UBR1: variants seen among roughly 807,000 people sequenced by gnomAD.
UBR1 encodes the protein ubiquitin protein ligase E3 component n-recognin 1.
A neutral mutation model predicts 242.1 loss-of-function variants in UBR1; 102 were observed. The observed-to-expected ratio is 0.42, with a 90% confidence interval of 0.36 to 0.50. The LOEUF (loss-of-function observed/expected upper bound fraction) is 0.50, where lower values mean the gene tolerates loss of function less well. UBR1 is among the 20% of genes least tolerant of loss of function. The pLI, the probability that UBR1 is intolerant of heterozygous loss-of-function variation, is 0.01. For missense variants in UBR1, 1,772 were observed against 2,101.8 expected (o/e 0.84, Z 3.07); for synonymous variants, 675 against 684.8 (o/e 0.99, Z 0.22).
chr15:43,043,355 G>A lies in UBR1; in HGVS notation c.1709C>T (p.Ala570Val). 6.2e-7 allele frequency: 1 copy of A among 1,613,970 alleles called. No homozygotes were observed. Among genetic ancestry groups the A allele is most frequent in the Non-Finnish European group, 8.5e-7 (1 of 1,179,976 alleles). Reference protein sequence around the residue: ...LLVAYKECHKAVMRCSTSFIS... With the variant: ...LLVAYKECHKVVMRCSTSFIS... ...GAAACTGGTACTGCACCTCATCACA[G>A]CTTTGTGACATTCTTTATAAGCCAC... Residue 570 changes from alanine (A) to valine (V), a missense_variant, in exon 15 of 47, where the codon GCT becomes GTT. This residue lies in a region of UBR1 where 734 missense variants were observed against 893.3 expected (regional missense o/e 0.82). Transcript: ENST00000290650.
chr15:43,058,668 C>T (rs775445329), intron 9 of UBR1, among the ~76,000 whole-genome samples: 4 of 152,192 alleles, frequency 2.6e-5, no homozygotes, highest in Admixed American at 6.5e-5. Context: ...AATTTACTCT[C>T]TCCCAACCTT....
intron 1 of UBR1, among the ~76,000 whole-genome samples, chr15:43,086,447 A>G (rs537697335): frequency 6.6e-6 from 1 of 151,926 alleles, no homozygotes; most frequent in South Asian, 2.1e-4. Context: ...GAAAAAAAAA[A>G]AAAAAAAAAG....
chr15:43,053,869 C>T (rs1009347466), intron 12 of UBR1, among the ~76,000 whole-genome samples: 1 of 150,980 alleles, frequency 6.6e-6, no homozygotes, highest in Non-Finnish European at 1.5e-5. Flanking sequence ...ACTCCGTTGC[C>T]AGGCTGGAGT....
At chr15:43,014,787 T>TG (rs746375062) in intron 29 of UBR1, among the ~76,000 whole-genome samples, 181 of 131,924 alleles carry the variant, frequency 1.4e-3, no homozygotes, top group African/African-American at 5.4e-3. Flanking sequence ...GGGAGGGAGG[T>TG]GGGGGGTCAG....
intron 46 of UBR1, among the ~76,000 whole-genome samples, chr15:42,948,999 A>G (rs1425358353): frequency 6.6e-6 from 1 of 152,160 alleles, no homozygotes; most frequent in African/African-American, 2.4e-5. Flanking sequence ...TTGCGGGACT[A>G]TTCACAATAG....
At chr15:43,027,026 A>G (rs1268430896) in intron 22 of UBR1, among the ~76,000 whole-genome samples, 1 of 152,148 alleles carries the variant, frequency 6.6e-6, no homozygotes, top group East Asian at 1.9e-4. Flanking sequence ...TAGACACTTC[A>G]TTGTCTAAGG....
At position 43,067,886 on chromosome 15, in the gene UBR1, G is replaced by A. The variant is rs1462233915; in HGVS notation, c.798+12C>T. On this transcript the variant is annotated intron_variant, in intron 6 of 46. Coordinates refer to ENST00000290650, the MANE Select transcript of UBR1 (RefSeq NM_174916.3). ...AGAAAACAGAAACGCAATTCAAAAGGAGACCACAAACCTCTTTGTCAATGG... is the reference window on the plus strand; with the variant it reads ...AGAAAACAGAAACGCAATTCAAAAGAAGACCACAAACCTCTTTGTCAATGG... The A allele has an allele frequency of 6.2e-6, 10 of 1,613,854 alleles. No individual in the cohort carries two copies. The highest frequency in any genetic ancestry group is 8.5e-6 in the Non-Finnish European group (10 of 1,179,940).
chr15:43,091,126 C>T (rs149663503), intron 1 of UBR1, among the ~76,000 whole-genome samples: 158 of 152,086 alleles, frequency 1.0e-3, no homozygotes, highest in African/African-American at 3.6e-3. Context: ...TTAGTAGAGA[C>T]GGGGTTTTTC....
intron 5 of UBR1, among the ~76,000 whole-genome samples, chr15:43,069,562 G>A (rs1044779741): frequency 5.3e-5 from 8 of 152,166 alleles, no homozygotes; most frequent in African/African-American, 9.7e-5. Context: ...GGCGTGAGCC[G>A]CCGCGCCCGG....
chr15:42,952,202 C>G (rs968007555), intron 45 of UBR1, 76 bp downstream of exon 45: 1 of 1,567,568 alleles, frequency 6.4e-7, no homozygotes, highest in South Asian at 1.1e-5. Context: ...AACACACTGT[C>G]CCACCATAGT....
intron 12 of UBR1, among the ~76,000 whole-genome samples, chr15:43,053,229 A>G (rs1485194687): frequency 6.6e-6 from 1 of 152,224 alleles, no homozygotes; most frequent in Non-Finnish European, 1.5e-5. Flanking sequence ...AAGTTCTACT[A>G]TAAGGGTAGG....
intron 12 of UBR1, among the ~76,000 whole-genome samples, chr15:43,051,564 G>A (rs565536666): frequency 2.6e-5 from 4 of 152,124 alleles, no homozygotes; most frequent in Admixed American, 2.6e-4. Flanking sequence ...ATGTACCCCT[G>A]AACTCAAAAT....
At chr15:43,017,034 A>G (rs1450088367) in intron 28 of UBR1, 61 bp downstream of exon 28, 21 of 1,353,524 alleles carry the variant, frequency 1.6e-5, no homozygotes, top group Non-Finnish European at 1.9e-5. Context: ...CCCTTATACC[A>G]GTAAAGTTCA....
intron 1 of UBR1, among the ~76,000 whole-genome samples, chr15:43,099,332 CAA>C (rs61577748): frequency 2.0e-5 from 3 of 150,534 alleles, no homozygotes; most frequent in Admixed American, 6.6e-5. Context: ...TCCAAAAAAA[CAA>C]AAAAAAAAAG....
At chr15:43,079,620 A>G (rs2033950967) in intron 3 of UBR1, among the ~76,000 whole-genome samples, 1 of 152,128 alleles carries the variant, frequency 6.6e-6, no homozygotes, top group Non-Finnish European at 1.5e-5. Flanking sequence ...TCTACTAAAA[A>G]ATACAAAAAA....
chr15:43,070,659 A>G, intron 5 of UBR1, 136 bp downstream of exon 5: 3 of 1,356,928 alleles, frequency 2.2e-6, no homozygotes, highest in Non-Finnish European at 3.1e-6. Context: ...ATTTTGAAAT[A>G]TTCCCAAGAG....
In UBR1 at chr15:42,972,333, C is replaced by T. The variant is rs551173893; in HGVS notation, c.4370-1726G>A. On this transcript the variant is annotated intron_variant, in intron 39 of 46. Coordinates refer to ENST00000290650, the MANE Select transcript of UBR1 (RefSeq NM_174916.3). ...TAGTAATAGGCATTTAGGTTTTGTCCATCTTTTCATCACTCGGTAACTCAT... is the reference window on the plus strand; with the variant it reads ...TAGTAATAGGCATTTAGGTTTTGTCTATCTTTTCATCACTCGGTAACTCAT... Among the ~76,000 whole-genome samples the T allele has an allele frequency of 1.2e-4, 18 of 152,010 alleles. 2 individuals are homozygous for T. Among genetic ancestry groups the T allele is most frequent in the African/African-American group, 4.3e-4 (18 of 41,474 alleles).
intron 30 of UBR1, among the ~76,000 whole-genome samples, chr15:43,006,792 T>C (rs954564615): frequency 1.3e-5 from 2 of 152,014 alleles, no homozygotes; most frequent in African/African-American, 2.4e-5. Context: ...AAGGAGGGAC[T>C]AATCTGGATT....
intron 19 of UBR1, among the ~76,000 whole-genome samples, chr15:43,033,528 C>A (rs1418890444): frequency 6.6e-6 from 1 of 152,150 alleles, no homozygotes; most frequent in Non-Finnish European, 1.5e-5. Flanking sequence ...CCTGTAATCC[C>A]AGCACGCCTG....
Sources: allele counts gnomAD v4.1 joint callset (sites outside exome capture counted in the v4.1 genomes callset), GRCh38; gene constraint gnomAD v4.1.1; regional missense constraint gnomAD v4.1.1; transcripts MANE v1.5; gene names NCBI Gene and HGNC (gene_info 2026-07-23, HGNC 2026-07-21).